Variants in NKAIN2 observed in about 807,000 individuals in gnomAD.
NKAIN2 encodes sodium/potassium transporting ATPase interacting 2.
In NKAIN2, 14 loss-of-function variants were observed where a neutral mutation model predicts 32.6. That is an observed-to-expected ratio of 0.43 (90% confidence interval 0.28 to 0.67). NKAIN2 has a LOEUF of 0.67. Ranked by LOEUF, NKAIN2 falls within the 30% of genes least tolerant of loss-of-function variation. The pLI is 0.17. For synonymous variants in NKAIN2, 80 were observed against 87.2 expected (o/e 0.92, Z 0.46); for missense variants, 198 against 258.3 (o/e 0.77, Z 1.60).
intron 1 of NKAIN2, among the ~76,000 whole-genome samples, chr6:124,241,792 A>G (rs1358464951): frequency 1.3e-5 from 2 of 151,922 alleles, no homozygotes; most frequent in Non-Finnish European, 2.9e-5. Context: ...TTCCTTGTAA[A>G]ATCTATTTAA....
intron 3 of NKAIN2, among the ~76,000 whole-genome samples, chr6:124,538,513 A>G (rs1462668074): frequency 6.6e-6 from 1 of 152,042 alleles, no homozygotes; most frequent in Non-Finnish European, 1.5e-5. Flanking sequence ...TTAATCCTAA[A>G]AGTCATTCTG....
chr6:124,199,490 CA>C (rs1457708548), intron 1 of NKAIN2, among the ~76,000 whole-genome samples: 2 of 152,130 alleles, frequency 1.3e-5, no homozygotes, highest in Admixed American at 1.3e-4. Flanking sequence ...CTTTGTTTGA[CA>C]TCTTCAAAGT....
chr6:124,429,240 G>T (rs332634), intron 3 of NKAIN2, among the ~76,000 whole-genome samples: 22,082 of 151,222 alleles, frequency 0.15, 1,983 homozygotes, highest in East Asian at 0.24. Flanking sequence ...TAGAGACGAG[G>T]TTTCACTGTT....
At chr6:124,798,601 T>A (rs1361916741) in intron 5 of NKAIN2, among the ~76,000 whole-genome samples, 1 of 152,142 alleles carries the variant, frequency 6.6e-6, no homozygotes, top group Non-Finnish European at 1.5e-5. Context: ...TTCCTTCCCA[T>A]TCCCCCCTCT....
At chr6:124,431,822 G>C (rs945651837) in intron 3 of NKAIN2, among the ~76,000 whole-genome samples, 15 of 151,896 alleles carry the variant, frequency 9.9e-5, no homozygotes, top group African/African-American at 3.6e-4. Context: ...ATAACACATA[G>C]GAAACTCCAT....
chr6:124,234,843 G>A (rs993408979), intron 1 of NKAIN2, among the ~76,000 whole-genome samples: 5 of 152,096 alleles, frequency 3.3e-5, no homozygotes, highest in African/African-American at 9.7e-5. Flanking sequence ...TGAATAGTGC[G>A]AAGTTTTCCT....
At chr6:124,304,768 G>A (rs1331034029) in intron 2 of NKAIN2, among the ~76,000 whole-genome samples, 1 of 152,090 alleles carries the variant, frequency 6.6e-6, no homozygotes, top group African/African-American at 2.4e-5. Context: ...CAAAAAATTA[G>A]CCAGGCGTGG....
chr6:124,392,157 TG>T (rs1773170948), intron 3 of NKAIN2, among the ~76,000 whole-genome samples: 1 of 152,164 alleles, frequency 6.6e-6, no homozygotes, highest in African/African-American at 2.4e-5. Flanking sequence ...CTGGAAAATT[TG>T]TTGGATATCT....
chr6:124,312,494 C>A (rs761560011), intron 2 of NKAIN2, among the ~76,000 whole-genome samples: 2 of 152,148 alleles, frequency 1.3e-5, no homozygotes, highest in African/African-American at 4.8e-5. Flanking sequence ...CAGGGAAATA[C>A]TTACATTTAC....
At chr6:124,501,531 C>A (rs1370607669) in intron 3 of NKAIN2, among the ~76,000 whole-genome samples, 1 of 152,178 alleles carries the variant, frequency 6.6e-6, no homozygotes, top group East Asian at 1.9e-4. Context: ...TCCACTATCC[C>A]TCAGCCCCTA....
intron 1 of NKAIN2, among the ~76,000 whole-genome samples, chr6:123,928,459 T>C (rs529493691): frequency 1.3e-5 from 2 of 152,320 alleles, no homozygotes; most frequent in Admixed American, 1.3e-4. Flanking sequence ...TTATGTTGTA[T>C]AGATAATGAT....
chr6:124,432,719 C>A (rs1195116895), intron 3 of NKAIN2, among the ~76,000 whole-genome samples: 1 of 152,042 alleles, frequency 6.6e-6, no homozygotes, highest in Non-Finnish European at 1.5e-5. Context: ...CTGACTAGAT[C>A]TCCAGCCTCT....
intron 1 of NKAIN2, among the ~76,000 whole-genome samples, chr6:124,229,236 A>C (rs1792293791): frequency 6.6e-6 from 1 of 152,174 alleles, no homozygotes; most frequent in Non-Finnish European, 1.5e-5. Context: ...GACACAAGTT[A>C]ATAACTTCAC....
chr6:124,641,529 GC>G (rs1783987661), intron 3 of NKAIN2, among the ~76,000 whole-genome samples: 2 of 23,830 alleles, frequency 8.4e-5, no homozygotes, highest in African/African-American at 2.3e-4. Context: ...TAAAACACTA[GC>G]TTTTTTTTTT....
chr6:124,284,149 G>C (rs1001962731), intron 2 of NKAIN2, among the ~76,000 whole-genome samples: 1 of 152,202 alleles, frequency 6.6e-6, no homozygotes, highest in African/African-American at 2.4e-5. Flanking sequence ...CCAGCCTCCA[G>C]TGCATGTCAC....
At chr6:124,608,378 C>A (rs1782572570) in intron 3 of NKAIN2, among the ~76,000 whole-genome samples, 1 of 152,102 alleles carries the variant, frequency 6.6e-6, no homozygotes, top group Non-Finnish European at 1.5e-5. Context: ...CCTTATCATC[C>A]CCTTCAACAA....
intron 5 of NKAIN2, among the ~76,000 whole-genome samples, chr6:124,811,871 G>A (rs1449359562): frequency 6.6e-6 from 1 of 151,944 alleles, no homozygotes; most frequent in Non-Finnish European, 1.5e-5. Flanking sequence ...CCTCAGTATA[G>A]CTCTTAAAAA....
intron 3 of NKAIN2, among the ~76,000 whole-genome samples, chr6:124,411,686 CTT>C (rs1774192684): frequency 2.6e-5 from 4 of 152,246 alleles, no homozygotes; most frequent in African/African-American, 7.2e-5. Context: ...CGAGGAGTAT[CTT>C]TGTGGCGTTC....
intron 1 of NKAIN2, among the ~76,000 whole-genome samples, chr6:123,910,777 T>G (rs934099465): frequency 6.6e-6 from 1 of 152,084 alleles, no homozygotes; most frequent in Admixed American, 6.6e-5. Flanking sequence ...GTGCTGGGAT[T>G]ACAGTTGTGA....
Sources: allele counts gnomAD v4.1 joint callset (sites outside exome capture counted in the v4.1 genomes callset), GRCh38; gene constraint gnomAD v4.1.1; transcripts MANE v1.5; gene names NCBI Gene and HGNC (gene_info 2026-07-23, HGNC 2026-07-21).